Variants in AP3B1 observed in about 807,000 individuals in gnomAD.
The protein encoded by AP3B1 is AP-3 complex subunit beta-1.
Under a neutral mutation model 132.5 loss-of-function variants are expected in AP3B1, and 61 were observed. The ratio of observed to expected loss-of-function variants is 0.46; its 90% CI spans 0.37 to 0.57. The LOEUF (loss-of-function observed/expected upper bound fraction) is 0.57. Among genes scored for constraint, AP3B1 ranks in the 20% least tolerant of loss-of-function variants. AP3B1 has a pLI of 0.00. For synonymous variants in AP3B1, 388 were observed against 438.3 expected (o/e 0.89, Z 1.43); for missense variants, 1,120 against 1,289.4 (o/e 0.87, Z 2.01).
chr5:78,173,007 T>A (rs1743987428), intron 11 of AP3B1, among the ~76,000 whole-genome samples: 1 of 152,238 alleles, frequency 6.6e-6, no homozygotes, highest in African/African-American at 2.4e-5. Context: ...TCTGCCTTCA[T>A]TTCGTTATTT....
At chr5:78,068,358 AAGAAGG>A (rs113811186) in intron 22 of AP3B1, among the ~76,000 whole-genome samples, 7,256 of 151,028 alleles carry the variant, frequency 0.048, 556 homozygotes, top group African/African-American at 0.16. Context: ...AAGAAGAAGA[AAGAAGG>A]AGAAGGAGAA....
Position 78,195,231 on chromosome 5 carries a change from C to T in AP3B1, c.787-13569G>A, listed in dbSNP as rs574187059. Among the ~76,000 whole-genome samples, 7 of 152,152 alleles carry T rather than the reference C, an allele frequency of 4.6e-5. No homozygotes were observed. In the South Asian group the frequency reaches 6.2e-4, roughly 14 times the overall value. On this transcript the variant is annotated intron_variant, in intron 7 of 26. Coordinates refer to ENST00000255194, the MANE Select transcript of AP3B1 (RefSeq NM_003664.5). ...CTTGGAATGGGGTAAGGTAGCAAAACGAGAGCAGCCATGAGCTGATGAACA... is the reference window on the plus strand; with the variant it reads ...CTTGGAATGGGGTAAGGTAGCAAAATGAGAGCAGCCATGAGCTGATGAACA...
At chr5:78,240,392 A>C (rs1747074172) in intron 3 of AP3B1, among the ~76,000 whole-genome samples, 1 of 152,216 alleles carries the variant, frequency 6.6e-6, no homozygotes, top group African/African-American at 2.4e-5. Context: ...GTGTTCATTC[A>C]ATAAATCCAC....
intron 25 of AP3B1, among the ~76,000 whole-genome samples, chr5:78,016,363 A>C (rs974195923): frequency 1.3e-5 from 2 of 152,102 alleles, no homozygotes; most frequent in Non-Finnish European, 2.9e-5. Context: ...AAATTCAACA[A>C]CATACCAAAC....
At chr5:78,026,952 C>T (rs1747363229) in intron 24 of AP3B1, among the ~76,000 whole-genome samples, 1 of 152,138 alleles carries the variant, frequency 6.6e-6, no homozygotes, top group South Asian at 2.1e-4. Flanking sequence ...CTTTTCCTTA[C>T]CTTTCTACTG....
At chr5:78,249,639 A>C (rs1747547537) in intron 2 of AP3B1, among the ~76,000 whole-genome samples, 2 of 143,594 alleles carry the variant, frequency 1.4e-5, no homozygotes, top group South Asian at 4.3e-4. Context: ...GCTAGACGGC[A>C]ATGGTGCCAT....
At chr5:78,183,516 C>T (rs1744456750) in intron 7 of AP3B1, among the ~76,000 whole-genome samples, 1 of 152,112 alleles carries the variant, frequency 6.6e-6, no homozygotes, top group South Asian at 2.1e-4. Context: ...AAAAATGCTT[C>T]GATGAGCAAT....
chr5:78,075,146 C>T (rs1182386989), intron 22 of AP3B1, among the ~76,000 whole-genome samples: 1 of 151,982 alleles, frequency 6.6e-6, no homozygotes, highest in Non-Finnish European at 1.5e-5. Flanking sequence ...AACTAAAATA[C>T]CCTAGTAGCA....
At chr5:78,051,599 A>T (rs1449678896) in intron 22 of AP3B1, among the ~76,000 whole-genome samples, 1 of 152,150 alleles carries the variant, frequency 6.6e-6, no homozygotes, top group Admixed American at 6.5e-5. Flanking sequence ...TGACATTTCC[A>T]CGTAAAGCTT....
chr5:78,136,589 C>G (rs972410611), intron 15 of AP3B1, among the ~76,000 whole-genome samples: 7 of 152,088 alleles, frequency 4.6e-5, no homozygotes, highest in African/African-American at 1.4e-4. Context: ...TCAGATTAAC[C>G]CTCTTTCTAC....
At chr5:78,169,707 C>A (rs1743823062) in intron 11 of AP3B1, among the ~76,000 whole-genome samples, 1 of 151,870 alleles carries the variant, frequency 6.6e-6, no homozygotes, top group South Asian at 2.1e-4. Context: ...GCAATACAGG[C>A]ATGAGCCACT....
chr5:78,021,481 G>A (rs1277614600), intron 24 of AP3B1, among the ~76,000 whole-genome samples: 1 of 152,072 alleles, frequency 6.6e-6, no homozygotes, highest in Non-Finnish European at 1.5e-5. Flanking sequence ...ATGATATTAT[G>A]ATCAATAAAA....
At chr5:78,098,628 G>C (rs1751000147) in intron 21 of AP3B1, among the ~76,000 whole-genome samples, 1 of 152,184 alleles carries the variant, frequency 6.6e-6, no homozygotes, top group African/African-American at 2.4e-5. Context: ...ATTCTTGTCT[G>C]TTCCCAGGTT....
intron 11 of AP3B1, among the ~76,000 whole-genome samples, chr5:78,167,841 T>C (rs866124398): frequency 3.3e-5 from 5 of 151,644 alleles, no homozygotes; most frequent in African/African-American, 1.2e-4. Flanking sequence ...ATAAGAATAA[T>C]ACACTGGACT....
At chr5:78,052,052 TACATATAAG>T (rs1423758259) in intron 22 of AP3B1, among the ~76,000 whole-genome samples, 379 of 152,260 alleles carry the variant, frequency 2.5e-3, no homozygotes, top group African/African-American at 8.8e-3. Flanking sequence ...GGTTAACTCT[TACATATAAG>T]CACAGACTCG....
chr5:78,187,374 C>T (rs776430904), intron 7 of AP3B1, among the ~76,000 whole-genome samples: 1 of 152,112 alleles, frequency 6.6e-6, no homozygotes, highest in Non-Finnish European at 1.5e-5. Flanking sequence ...CTATTACTAA[C>T]AAAATCATCA....
intron 24 of AP3B1, among the ~76,000 whole-genome samples, chr5:78,030,942 C>A (rs147134086): frequency 1.3e-5 from 2 of 152,222 alleles, no homozygotes; most frequent in African/African-American, 4.8e-5. Context: ...GGCCTCCCAA[C>A]GTGCTAGGGT....
Position 78,267,575 on chromosome 5 carries a change from A to G in AP3B1, c.149T>C (p.Met50Thr), listed in dbSNP as rs781258027. Reference sequence around the variant, plus strand: ...AGCAGAATCTTTGTTGCTCTCTAACATTTGCTTTAGATCTTCATTCCTATT... The same window carrying G: ...AGCAGAATCTTTGTTGCTCTCTAACGTTTGCTTTAGATCTTCATTCCTATT... ...DLKKNEDLKQ[M>T]LESNKDSAKL... Residue 50 changes from methionine (M) to threonine (T), a missense_variant, in exon 2 of 27, where the codon ATG becomes ACG. By Grantham distance (81) the Met-to-Thr change is moderately conservative (BLOSUM62 -1). Coordinates refer to ENST00000255194, the MANE Select transcript of AP3B1 (RefSeq NM_003664.5). 1.2e-6 allele frequency: 2 copies of G among 1,609,794 alleles called. No individual in the cohort carries two copies. The highest frequency in any genetic ancestry group is 2.2e-5 in the South Asian group (2 of 90,842).
At position 78,110,298 on chromosome 5, in the gene AP3B1, T is replaced by C; in HGVS notation, c.2306A>G (p.Asn769Ser). 6.2e-7 allele frequency: 1 copy of C among 1,608,202 alleles called. No individual in the cohort carries two copies. The highest frequency in any genetic ancestry group is 8.5e-7 in the Non-Finnish European group (1 of 1,175,696). Residue 769 changes from asparagine to serine, a missense_variant, in exon 20 of 27, where the codon AAT becomes AGT. Coordinates refer to ENST00000255194, the MANE Select transcript of AP3B1 (RefSeq NM_003664.5). ...NEKSKTSDSS[N>S]DESSSIEDSS... Reference sequence around the variant, plus strand: ...GTCTTCTATTGAACTAGATTCGTCATTTGAAGAATCTGAAGTTTTAGATTT... The same window carrying C: ...GTCTTCTATTGAACTAGATTCGTCACTTGAAGAATCTGAAGTTTTAGATTT...
Sources: allele counts gnomAD v4.1 joint callset (sites outside exome capture counted in the v4.1 genomes callset), GRCh38; gene constraint gnomAD v4.1.1; transcripts MANE v1.5; gene names NCBI Gene and HGNC (gene_info 2026-07-23, HGNC 2026-07-21).